The following KTN1 variants were observed in gnomAD, a reference collection of about 807,000 sequenced individuals.
KTN1 encodes the protein kinectin 1.
KTN1 carries 130 observed loss-of-function variants against 222.5 expected under a neutral mutation model. The observed-to-expected ratio is 0.58, with a 90% CI of 0.51 to 0.68. The LOEUF (loss-of-function observed/expected upper bound fraction) is 0.68. Among genes scored for constraint, KTN1 ranks in the 30% least tolerant of loss-of-function variants. The pLI is 0.00. For synonymous variants in KTN1, 512 were observed against 496.3 expected (o/e 1.03, Z -0.42); for missense variants, 1,508 against 1,500.4 (o/e 1.01, Z -0.08).
intron 6 of KTN1, among the ~76,000 whole-genome samples, chr14:55,629,283 T>C (rs1001534100): frequency 2.0e-5 from 3 of 151,606 alleles, no homozygotes; most frequent in African/African-American, 7.3e-5. Context: ...CCGGGCATGG[T>C]GGTGGGTGCC....
chr14:55,616,754 T>C (rs1280450665), intron 3 of KTN1, 100 bp downstream of exon 3: 5 of 910,296 alleles, frequency 5.5e-6, no homozygotes, highest in Admixed American at 6.0e-5. Flanking sequence ...CCCAGTTTAA[T>C]GTGTGCTAAT....
intron 22 of KTN1, 54 bp from the exon 23 acceptor site, chr14:55,650,274 C>T: frequency 1.8e-6 from 2 of 1,129,438 alleles, no homozygotes; most frequent in Non-Finnish European, 2.6e-6. Context: ...ATTTTTATAT[C>T]TTGGTGGGTC....
chr14:55,650,060 G>C (rs1430585916), intron 22 of KTN1, among the ~76,000 whole-genome samples: 1 of 151,414 alleles, frequency 6.6e-6, no homozygotes, highest in Non-Finnish European at 1.5e-5. Context: ...AATGGAACTT[G>C]ATTCTCCTCT....
chr14:55,641,627 A>G (rs1362954147), intron 17 of KTN1, 65 bp from the exon 18 acceptor site: 10 of 996,884 alleles, frequency 1.0e-5, no homozygotes, highest in Non-Finnish European at 1.6e-5. Context: ...TCAAAAACCC[A>G]TTCAAATGAT....
chr14:55,603,423 A>G (rs2036264725), intron 1 of KTN1, among the ~76,000 whole-genome samples: 2 of 152,168 alleles, frequency 1.3e-5, no homozygotes, highest in African/African-American at 4.8e-5. Flanking sequence ...TCAGAAGTCA[A>G]TTACTAGTTT....
At chr14:55,611,428 C>T (rs1436293536) in intron 1 of KTN1, among the ~76,000 whole-genome samples, 3 of 152,070 alleles carry the variant, frequency 2.0e-5, no homozygotes, top group Non-Finnish European at 4.4e-5. Flanking sequence ...CAAAATGCCA[C>T]ATCCTAACAT....
At chr14:55,632,312 A>G (rs1334724466) in intron 7 of KTN1, among the ~76,000 whole-genome samples, 1 of 152,216 alleles carries the variant, frequency 6.6e-6, no homozygotes, top group African/African-American at 2.4e-5. Flanking sequence ...GTCAGGATAT[A>G]GATTCCATAT....
intron 6 of KTN1, 137 bp downstream of exon 6, chr14:55,628,165 G>C (rs1472239820): frequency 1.7e-6 from 1 of 605,828 alleles, no homozygotes; most frequent in East Asian, 2.8e-5. Flanking sequence ...AGAGTTTTGG[G>C]AGGGTAGATA....
At chr14:55,643,755 T>C (rs913606210) in intron 18 of KTN1, among the ~76,000 whole-genome samples, 1 of 152,206 alleles carries the variant, frequency 6.6e-6, no homozygotes, top group African/African-American at 2.4e-5. Context: ...ATGTAATACC[T>C]TGAGAAATGC....
chr14:55,671,493 G>T (rs1411848830), intron 35 of KTN1, 73 bp from the exon 36 acceptor site: 7 of 1,018,870 alleles, frequency 6.9e-6, no homozygotes, highest in Non-Finnish European at 1.0e-5. Context: ...ACAGTATTAA[G>T]TACTAAAACA....
intron 15 of KTN1, 140 bp downstream of exon 15, chr14:55,640,582 T>C (rs1388007685): frequency 1.4e-5 from 9 of 634,572 alleles, no homozygotes; most frequent in Non-Finnish European, 2.2e-5. Flanking sequence ...TGATTTGATG[T>C]TACTGTTTTT....
chr14:55,592,439 T>C (rs2034309574), intron 1 of KTN1, among the ~76,000 whole-genome samples: 1 of 152,210 alleles, frequency 6.6e-6, no homozygotes, highest in African/African-American at 2.4e-5. Flanking sequence ...AGAAAATAAT[T>C]GCAGTTGACC....
Position 55,612,468 on chromosome 14 carries a change from C to T in KTN1, c.420C>T (p.Gly140=), listed in dbSNP as rs1161410606. ...IKESDASKIP[G]KKVEPVPVTK... ...AAAGTGACGCATCAAAGATTCCTGG[C>T]AAAAAAGTAGAACCTGTCCCAGTTA... The change falls in exon 2 of 44, where the codon GGC becomes GGT. Residue 140 remains glycine, a synonymous_variant. Coordinates refer to ENST00000395314, the MANE Select transcript of KTN1 (RefSeq NM_001079521.2). 6 of 1,613,580 alleles carry T rather than the reference C, an allele frequency of 3.7e-6. No individual in the cohort carries two copies. The highest frequency in any genetic ancestry group is 5.1e-6 in the Non-Finnish European group (6 of 1,179,876).
intron 28 of KTN1, among the ~76,000 whole-genome samples, chr14:55,654,329 TA>T (rs2043234750): frequency 7.0e-6 from 1 of 142,872 alleles, no homozygotes; most frequent in East Asian, 2.1e-4. Context: ...GGATATTTAT[TA>T]GGTTATTATC....
At chr14:55,592,802 A>G (rs2034367258) in intron 1 of KTN1, among the ~76,000 whole-genome samples, 2 of 152,196 alleles carry the variant, frequency 1.3e-5, no homozygotes, top group South Asian at 2.1e-4. Context: ...TTGAATATGT[A>G]TGGACAAACT....
rs143931219 is a variant in KTN1 at position 55,680,850 on chromosome 14, A to G, written c.4069+1165A>G. The stretch of plus-strand genomic sequence containing the variant: ...CAAATCTTTTATCCTTGGTAAGCTG[A>G]CTTCTCCAGTTTCCCAATGTAAAAA... On this transcript the variant is annotated intron_variant, in intron 43 of 43. Coordinates refer to ENST00000395314, the MANE Select transcript of KTN1 (RefSeq NM_001079521.2). The G allele has an allele frequency of 1.8e-3, 884 of 495,872 alleles. 1 individual carries two copies. The highest frequency in any genetic ancestry group is 2.6e-3 in the Non-Finnish European group (707 of 276,492). The allele number at this position is 495,872 out of a possible 1,614,324, so 30.7% of individuals were successfully genotyped here.
chr14:55,671,924 G>A, intron 37 of KTN1, 47 bp downstream of exon 37: 1 of 1,090,598 alleles, frequency 9.2e-7, no homozygotes, highest in Non-Finnish European at 1.4e-6. Flanking sequence ...GATGTGTGGG[G>A]CTTGAACCAG....
chr14:55,639,072 A>T, intron 12 of KTN1, 113 bp from the exon 13 acceptor site: 1 of 676,802 alleles, frequency 1.5e-6, no homozygotes, highest in East Asian at 2.7e-5. Context: ...AGATACTTTC[A>T]TAACAATTTA....
Position 55,633,256 on chromosome 14 carries a change from A to G in KTN1, c.1243A>G (p.Met415Val). Residue 415 changes from methionine to valine, a missense_variant, in exon 8 of 44, where the codon ATG (methionine) becomes GTG (valine). Physicochemically the swap from Met to Val is conservative, Grantham distance 21 (BLOSUM62 1). Coordinates refer to ENST00000395314, the MANE Select transcript of KTN1 (RefSeq NM_001079521.2). ...TTAGTTTCAGCAAGTTCGTGAGCAG[A>G]TGGAGGCAGAGATAGCTCACTTGAA... is the stretch of plus-strand genomic sequence containing the variant. ...QMKFQQVREQMEAEIAHLKQE... is the reference protein window; with the variant it reads ...QMKFQQVREQVEAEIAHLKQE... 2 of 1,588,036 alleles carry G rather than the reference A, an allele frequency of 1.3e-6. No individual in the cohort carries two copies. Among genetic ancestry groups the G allele is most frequent in the Non-Finnish European group, 8.6e-7 (1 of 1,167,204 alleles).
Sources: gnomAD v4.1 joint callset for allele counts (sites outside exome capture counted in the v4.1 genomes callset) on GRCh38, gnomAD v4.1.1 for gene constraint, MANE v1.5 for transcripts, NCBI Gene and HGNC (gene_info 2026-07-23, HGNC 2026-07-21) for gene names.